The following KCNAB1 variants were observed in gnomAD, a reference collection of about 807,000 sequenced individuals.
KCNAB1 encodes the protein potassium voltage-gated channel subfamily A regulatory beta subunit 1, also known as voltage-gated potassium channel subunit beta-1.
KCNAB1 carries 35 observed loss-of-function variants against 64.6 expected under a neutral mutation model. The observed-to-expected ratio is 0.54, with a 90% CI of 0.41 to 0.72. The LOEUF is 0.72. KCNAB1 is among the 30% of genes least tolerant of loss of function. KCNAB1 has a pLI of 0.00. For missense variants in KCNAB1, 401 were observed against 512.9 expected (o/e 0.78, Z 2.11); for synonymous variants, 177 against 183.8 (o/e 0.96, Z 0.30).
chr3:156,227,173 G>T (rs957134434), intron 1 of KCNAB1, among the ~76,000 whole-genome samples: 2 of 152,158 alleles, frequency 1.3e-5, no homozygotes, highest in Non-Finnish European at 2.9e-5. Context: ...TTAGGTCTTT[G>T]TGTGAACAAA....
chr3:156,165,738 T>C (rs1560116019), intron 1 of KCNAB1, among the ~76,000 whole-genome samples: 4 of 152,256 alleles, frequency 2.6e-5, no homozygotes, highest in Admixed American at 1.3e-4. Flanking sequence ...TAACATTATA[T>C]CTGTATTGCG....
chr3:156,390,248 A>G (rs542612177), intron 1 of KCNAB1, among the ~76,000 whole-genome samples: 8 of 152,324 alleles, frequency 5.3e-5, no homozygotes, highest in African/African-American at 1.9e-4. Context: ...GACCAGAGGA[A>G]GAATTTGCAG....
chr3:156,466,435 T>C (rs959008769), intron 7 of KCNAB1, among the ~76,000 whole-genome samples: 4 of 152,128 alleles, frequency 2.6e-5, no homozygotes, highest in South Asian at 2.1e-4. Flanking sequence ...GCTATGAACA[T>C]TTGTGTGCAA....
At position 156,506,159 on chromosome 3, in the gene KCNAB1, C is replaced by T. The variant is rs185805712; in HGVS notation, c.659-8205C>T. Among the ~76,000 whole-genome samples the T allele has an allele frequency of 3.3e-5, 5 of 152,228 alleles. No individual in the cohort carries two copies. The East Asian group carries it at 7.7e-4, about 23-fold the overall frequency. On this transcript the variant is annotated intron_variant, in intron 8 of 13. Coordinates refer to ENST00000490337, the MANE Select transcript of KCNAB1 (RefSeq NM_172160.3). ...ATCGTATAGAAATGGTACTGATTCT[C>T]GTATGTTGATTTTGTGTCCTGCAAC...
chr3:156,490,811 C>G (rs768709034), intron 8 of KCNAB1, among the ~76,000 whole-genome samples: 1 of 151,966 alleles, frequency 6.6e-6, no homozygotes, highest in Admixed American at 6.6e-5. Context: ...ATTTCCAGAT[C>G]GGAAGAACAC....
intron 8 of KCNAB1, among the ~76,000 whole-genome samples, chr3:156,476,305 C>T (rs1342726390): frequency 1.3e-5 from 2 of 152,036 alleles, no homozygotes; most frequent in Admixed American, 6.6e-5. Flanking sequence ...CTCTCCCACT[C>T]TTCCCCCCAA....
chr3:156,234,871 G>A (rs527746522), intron 1 of KCNAB1, among the ~76,000 whole-genome samples: 116 of 152,264 alleles, frequency 7.6e-4, no homozygotes, highest in Middle Eastern at 3.4e-3. Context: ...GTATACCAGA[G>A]TTTGCTATTA....
At chr3:156,438,786 T>C (rs4680268) in intron 2 of KCNAB1, among the ~76,000 whole-genome samples, 101,056 of 151,820 alleles carry the variant, frequency 0.67, 33,935 homozygotes, top group East Asian at 0.76. Flanking sequence ...GAGGACGAGG[T>C]GGGCCGATCA....
intron 1 of KCNAB1, among the ~76,000 whole-genome samples, chr3:156,403,661 G>A (rs187112721): frequency 1.3e-5 from 2 of 152,256 alleles, no homozygotes; most frequent in Admixed American, 6.5e-5. Context: ...TTGGGAGGCC[G>A]AGGTGGGCAG....
At chr3:156,385,013 T>C (rs1258932891) in intron 1 of KCNAB1, among the ~76,000 whole-genome samples, 1 of 152,206 alleles carries the variant, frequency 6.6e-6, no homozygotes, top group Admixed American at 6.5e-5. Context: ...ATTGTTTGGA[T>C]TGGACTTTTC....
intron 1 of KCNAB1, among the ~76,000 whole-genome samples, chr3:156,285,305 C>T (rs545539269): frequency 1.3e-4 from 20 of 152,086 alleles, no homozygotes; most frequent in Admixed American, 1.3e-3. Context: ...ATATTTATGC[C>T]ATCTTGTTCT....
intron 1 of KCNAB1, among the ~76,000 whole-genome samples, chr3:156,363,621 G>A (rs1020176065): frequency 8.5e-5 from 13 of 152,058 alleles, no homozygotes; most frequent in African/African-American, 2.2e-4. Context: ...GATTACAGGC[G>A]CACACCACCA....
chr3:156,244,208 C>T (rs1352756510), intron 1 of KCNAB1, among the ~76,000 whole-genome samples: 1 of 152,186 alleles, frequency 6.6e-6, no homozygotes, highest in East Asian at 1.9e-4. Context: ...GAGAGAAATC[C>T]ACTTCCTTAC....
At chr3:156,255,847 T>C (rs1718072439) in intron 1 of KCNAB1, among the ~76,000 whole-genome samples, 2 of 152,244 alleles carry the variant, frequency 1.3e-5, no homozygotes, top group South Asian at 2.1e-4. Context: ...AGCATGTATG[T>C]CATTTTGCCC....
At chr3:156,310,269 T>A (rs1721802579) in intron 1 of KCNAB1, among the ~76,000 whole-genome samples, 1 of 152,098 alleles carries the variant, frequency 6.6e-6, no homozygotes, top group African/African-American at 2.4e-5. Context: ...AAATCCAAGA[T>A]GGTGATGGAA....
chr3:156,359,102 T>A (rs1725439690), intron 1 of KCNAB1, among the ~76,000 whole-genome samples: 1 of 152,234 alleles, frequency 6.6e-6, no homozygotes, highest in South Asian at 2.1e-4. Flanking sequence ...AGTTTTATCC[T>A]GAAGAGGTGT....
At chr3:156,133,944 T>C (rs1714146325) in intron 1 of KCNAB1, among the ~76,000 whole-genome samples, 1 of 151,944 alleles carries the variant, frequency 6.6e-6, no homozygotes, top group Non-Finnish European at 1.5e-5. Context: ...CAAATTGCTA[T>C]TAACTGGAAA....
intron 1 of KCNAB1, among the ~76,000 whole-genome samples, chr3:156,240,236 C>A (rs1235295779): frequency 6.6e-6 from 1 of 152,134 alleles, no homozygotes; most frequent in Non-Finnish European, 1.5e-5. Context: ...CATTTCTAAG[C>A]GATATGGCCT....
intron 5 of KCNAB1, 81 bp from the exon 6 acceptor site, chr3:156,463,620 TG>T: frequency 9.3e-7 from 1 of 1,077,498 alleles, no homozygotes; most frequent in Non-Finnish European, 1.4e-6. Flanking sequence ...AAATTCTTTC[TG>T]GTGCTATTAT....
Sources: allele counts gnomAD v4.1 joint callset (sites outside exome capture counted in the v4.1 genomes callset), GRCh38; gene constraint gnomAD v4.1.1; transcripts MANE v1.5; gene names NCBI Gene and HGNC (gene_info 2026-07-23, HGNC 2026-07-21).